PTPRM: variants seen among roughly 807,000 people sequenced by gnomAD.
The protein encoded by PTPRM is receptor-type tyrosine-protein phosphatase mu.
In PTPRM, 47 loss-of-function variants were observed where a neutral mutation model predicts 186.7. The ratio of observed to expected loss-of-function variants is 0.25; its 90% CI spans 0.20 to 0.32. The LOEUF is 0.32. Ranked by LOEUF, PTPRM falls within the 10% of genes least tolerant of loss-of-function variation. PTPRM has a pLI of 1.00. For synonymous variants in PTPRM, 668 were observed against 674.9 expected, an observed-to-expected ratio of 0.99 and a Z score of 0.16; for missense variants, 1,494 against 1,865.0, an observed-to-expected ratio of 0.80 and a Z score of 3.66.
chr18:8,011,204 A>G (rs117964479), intron 7 of PTPRM, among the ~76,000 whole-genome samples: 1 of 152,202 alleles, frequency 6.6e-6, no homozygotes, highest in Non-Finnish European at 1.5e-5. Flanking sequence ...GGACAGATAG[A>G]AGAGAGTAGA....
Position 7,851,653 on chromosome 18 carries a change from AC to A in PTPRM, c.197-36452del, listed in dbSNP as rs2046866290. Among the ~76,000 whole-genome samples the A allele has an allele frequency of 2.7e-5, 4 of 150,324 alleles. No individual in the cohort carries two copies. In the South Asian group the frequency reaches 8.4e-4, roughly 32 times the overall value. ...AACAAACAAAAAAACAAAAAAAAAAACTGAGGCAATTAATTACCAGCAGAAT... is the reference window on the plus strand; with the variant it reads ...AACAAACAAAAAAACAAAAAAAAAAATGAGGCAATTAATTACCAGCAGAAT... On this transcript the variant is annotated intron_variant, in intron 2 of 32. Coordinates refer to ENST00000580170, the MANE Select transcript of PTPRM (RefSeq NM_001105244.2).
At chr18:7,705,309 A>ATCTGTCTGTCTGTCTG (rs1568040993) in intron 1 of PTPRM, among the ~76,000 whole-genome samples, 52 of 147,000 alleles carry the variant, frequency 3.5e-4, no homozygotes, top group African/African-American at 1.2e-3. Flanking sequence ...CTATCTATCT[A>ATCTGTCTGTCTGTCTG]TCTATCTATC....
At chr18:7,983,082 A>G (rs1247912363) in intron 7 of PTPRM, among the ~76,000 whole-genome samples, 10 of 151,894 alleles carry the variant, frequency 6.6e-5, no homozygotes, top group Admixed American at 6.6e-4. Flanking sequence ...TGCTTGTCAA[A>G]CACATGTACT....
chr18:8,058,126 A>G (rs1293063), intron 7 of PTPRM, among the ~76,000 whole-genome samples: 56,152 of 128,704 alleles, frequency 0.44, 13,316 homozygotes, highest in Non-Finnish European at 0.52. Context: ...TTGTGTCCTG[A>G]CTTTTTAATG....
At chr18:8,027,914 G>A (rs554401657) in intron 7 of PTPRM, among the ~76,000 whole-genome samples, 7 of 152,026 alleles carry the variant, frequency 4.6e-5, no homozygotes, top group Middle Eastern at 6.8e-3. Flanking sequence ...TCTTCTCCAC[G>A]CCTCTGTCTA....
At position 8,286,156 on chromosome 18, in the gene PTPRM, A is replaced by T. The variant is rs186229977; in HGVS notation, c.2755-10212A>T. On this transcript the variant is annotated intron_variant, in intron 19 of 32. Coordinates refer to ENST00000580170, the MANE Select transcript of PTPRM (RefSeq NM_001105244.2). ...GGAAAGACCTCGTGAGTTGCTGCTG[A>T]GTCCTCCTGACTGCCTTTGTCACTT... Among the ~76,000 whole-genome samples the T allele has an allele frequency of 3.9e-5, 6 of 152,362 alleles. No individual in the cohort carries two copies. The East Asian group carries it at 9.6e-4, about 24-fold the overall frequency.
chr18:7,949,475 G>A (rs1599683340), intron 6 of PTPRM, 120 bp downstream of exon 6: 2 of 838,902 alleles, frequency 2.4e-6, no homozygotes, highest in East Asian at 2.8e-5. Context: ...GTGGTTTGAT[G>A]ACAGGCTATT....
intron 4 of PTPRM, among the ~76,000 whole-genome samples, chr18:7,918,875 G>A (rs928242105): frequency 2.6e-5 from 4 of 152,156 alleles, no homozygotes; most frequent in Non-Finnish European, 5.9e-5. Context: ...CCAGACCAAT[G>A]TTCTGGAATG....
At chr18:8,134,104 A>C (rs2092580056) in intron 13 of PTPRM, among the ~76,000 whole-genome samples, 1 of 152,216 alleles carries the variant, frequency 6.6e-6, no homozygotes, top group African/African-American at 2.4e-5. Flanking sequence ...GACTGAATAC[A>C]ACCAAAATTC....
chr18:7,598,022 A>G (rs547861257), intron 1 of PTPRM, among the ~76,000 whole-genome samples: 1 of 152,218 alleles, frequency 6.6e-6, no homozygotes, highest in Non-Finnish European at 1.5e-5. Context: ...TTTAAAAAAA[A>G]TTGTTAATAT....
At chr18:7,916,782 G>A (rs1429329126) in intron 4 of PTPRM, among the ~76,000 whole-genome samples, 2 of 151,922 alleles carry the variant, frequency 1.3e-5, no homozygotes, top group East Asian at 3.9e-4. Flanking sequence ...TCATTTTTTT[G>A]TGCTGGGAAC....
intron 7 of PTPRM, among the ~76,000 whole-genome samples, chr18:7,982,831 G>A (rs765389220): frequency 6.6e-6 from 1 of 152,042 alleles, no homozygotes; most frequent in Non-Finnish European, 1.5e-5. Context: ...GTTCGTTGTT[G>A]ATGGAAATGT....
chr18:7,996,339 T>C (rs1051394862), intron 7 of PTPRM, among the ~76,000 whole-genome samples: 6 of 152,170 alleles, frequency 3.9e-5, no homozygotes, highest in Admixed American at 3.9e-4. Flanking sequence ...GAAAAAGCTT[T>C]TGATAAAATT....
rs536259581 is a variant in PTPRM at position 7,569,358 on chromosome 18, TC to T, written c.73+1469del. ...AACTTCAATACAGAAATATCCTTTC[TC>T]CAAGTTTTGTGTTTCCCTAACTGCC... On this transcript the variant is annotated intron_variant, in intron 1 of 32. Coordinates refer to ENST00000580170, the MANE Select transcript of PTPRM (RefSeq NM_001105244.2). Among the ~76,000 whole-genome samples, 76 of 152,286 alleles carry T rather than the reference TC, an allele frequency of 5.0e-4. 2 individuals are homozygous for T. In the East Asian group the frequency reaches 6.2e-3, roughly 12 times the overall value.
intron 7 of PTPRM, among the ~76,000 whole-genome samples, chr18:8,026,580 G>A (rs192386601): frequency 6.6e-6 from 1 of 152,212 alleles, no homozygotes; most frequent in East Asian, 1.9e-4. Flanking sequence ...GCTTAAGCCG[G>A]GCACAGTGGC....
chr18:7,658,980 TGC>T (rs909350658), intron 1 of PTPRM, among the ~76,000 whole-genome samples: 4 of 152,188 alleles, frequency 2.6e-5, no homozygotes, highest in Non-Finnish European at 4.4e-5. Context: ...TCTGTGCATC[TGC>T]CTGAAGCTCT....
chr18:8,128,932 TG>T (rs2092438078), intron 13 of PTPRM, among the ~76,000 whole-genome samples: 1 of 152,160 alleles, frequency 6.6e-6, no homozygotes, highest in African/African-American at 2.4e-5. Flanking sequence ...TATTTTATAC[TG>T]TCTTTTGTTT....
At chr18:7,995,511 G>A (rs2083486839) in intron 7 of PTPRM, 1 of 152,144 alleles carries the variant, frequency 6.6e-6, no homozygotes, top group South Asian at 2.1e-4. Context: ...GAACATAAGT[G>A]TAAAAATCCC....
chr18:8,255,671 A>C (rs1217421417), intron 19 of PTPRM, among the ~76,000 whole-genome samples: 1 of 152,254 alleles, frequency 6.6e-6, no homozygotes, highest in Non-Finnish European at 1.5e-5. Context: ...CATATACTAG[A>C]GATGATATCA....
Sources: gnomAD v4.1 joint callset for allele counts (sites outside exome capture counted in the v4.1 genomes callset) on GRCh38, gnomAD v4.1.1 for gene constraint, MANE v1.5 for transcripts, NCBI Gene and HGNC (gene_info 2026-07-23, HGNC 2026-07-21) for gene names.